Variants in MBNL2 observed in about 807,000 individuals in gnomAD.
MBNL2 encodes muscleblind like splicing regulator 2.
Under a neutral mutation model 41.9 loss-of-function variants are expected in MBNL2, and 17 were observed. That is an observed-to-expected ratio of 0.41 (90% CI 0.28 to 0.61). MBNL2 has a LOEUF of 0.61. Ranked by LOEUF, MBNL2 falls within the 20% of genes least tolerant of loss-of-function variation. The pLI, the probability that MBNL2 is intolerant of heterozygous loss-of-function variation, is 0.35. For synonymous variants in MBNL2, 195 were observed against 182.9 expected (o/e 1.07, Z -0.53); for missense variants, 336 against 505.6 (o/e 0.66, Z 3.22).
chr13:97,178,235 G>C, the MBNL2 span, among the ~76,000 whole-genome samples: 1 of 152,210 alleles, frequency 6.6e-6, no homozygotes, highest in Non-Finnish European at 1.5e-5. Flanking sequence ...CACTGAGAAT[G>C]GTTTAAATGG....
At chr13:97,200,950 T>C in the MBNL2 span, among the ~76,000 whole-genome samples, 2 of 152,350 alleles carry the variant, frequency 1.3e-5, no homozygotes, top group African/African-American at 4.8e-5. Flanking sequence ...TACTTTTGTT[T>C]ATGAAAGTTC....
chr13:97,206,342 T>C, the MBNL2 span, among the ~76,000 whole-genome samples: 3 of 152,144 alleles, frequency 2.0e-5, no homozygotes, highest in Non-Finnish European at 4.4e-5. Flanking sequence ...AAGCATGTGA[T>C]TCACTTTTCA....
At chr13:97,379,962 A>G (rs1330561681) in intron 8 of MBNL2, among the ~76,000 whole-genome samples, 1 of 152,236 alleles carries the variant, frequency 6.6e-6, no homozygotes, top group Non-Finnish European at 1.5e-5. Flanking sequence ...ATTTCTCCAA[A>G]GAAAGGATTA....
chr13:97,215,973 A>G, the MBNL2 span, among the ~76,000 whole-genome samples: 7 of 152,230 alleles, frequency 4.6e-5, no homozygotes, highest in East Asian at 1.3e-3. Flanking sequence ...ACCATGTTCT[A>G]TGCTAAGGGA....
intron 2 of MBNL2, among the ~76,000 whole-genome samples, chr13:97,288,484 CTT>C (rs969527955): frequency 6.6e-6 from 1 of 152,128 alleles, no homozygotes; most frequent in African/African-American, 2.4e-5. Flanking sequence ...CCTAGAATGG[CTT>C]TGTTTCAGTG....
At chr13:97,210,781 C>T in the MBNL2 span, among the ~76,000 whole-genome samples, 4 of 151,512 alleles carry the variant, frequency 2.6e-5, no homozygotes, top group African/African-American at 4.9e-5. Context: ...AACTTCTGGC[C>T]GCAAGTGATC....
the MBNL2 span, among the ~76,000 whole-genome samples, chr13:97,186,086 A>G: frequency 2.6e-5 from 4 of 152,180 alleles, no homozygotes; most frequent in African/African-American, 9.7e-5. Flanking sequence ...TGTCTCTTCA[A>G]TGTTTGGCCT....
intron 1 of MBNL2, among the ~76,000 whole-genome samples, chr13:97,247,025 G>C (rs989902929): frequency 6.6e-6 from 1 of 152,166 alleles, no homozygotes. Flanking sequence ...TTATTGTGCA[G>C]GCTGACAGTC....
At chr13:97,239,659 G>A (rs1041611802) in intron 1 of MBNL2, among the ~76,000 whole-genome samples, 7 of 152,228 alleles carry the variant, frequency 4.6e-5, no homozygotes, top group Non-Finnish European at 7.3e-5. Flanking sequence ...AAGTTTGGCT[G>A]ATGAAGGCTG....
At chr13:97,258,984 T>C (rs2048090057) in intron 1 of MBNL2, among the ~76,000 whole-genome samples, 1 of 152,194 alleles carries the variant, frequency 6.6e-6, no homozygotes, top group Non-Finnish European at 1.5e-5. Flanking sequence ...GAGTATGCAA[T>C]GCTGAAGGTT....
intron 1 of MBNL2, among the ~76,000 whole-genome samples, chr13:97,241,980 A>T (rs576835945): frequency 1.3e-4 from 20 of 152,320 alleles, no homozygotes; most frequent in African/African-American, 4.3e-4. Context: ...TTGTGTGCAC[A>T]CATGGGGTTC....
chr13:97,194,230 T>C, the MBNL2 span, among the ~76,000 whole-genome samples: 1 of 152,238 alleles, frequency 6.6e-6, no homozygotes, highest in Non-Finnish European at 1.5e-5. Context: ...GTCTGCCCCA[T>C]TGCATTCCTT....
chr13:97,300,788 C>T (rs2057542105), intron 2 of MBNL2, among the ~76,000 whole-genome samples: 1 of 152,188 alleles, frequency 6.6e-6, no homozygotes, highest in African/African-American at 2.4e-5. Context: ...GTAAAGAAGT[C>T]AACCAAATTA....
In MBNL2 at chr13:97,346,370, G is replaced by A. The variant is rs1290971485; in HGVS notation, c.541-434G>A. Among the ~76,000 whole-genome samples the A allele has an allele frequency of 6.6e-6, 1 of 151,820 alleles. No individual in the cohort carries two copies. Among genetic ancestry groups the A allele is most frequent in the Non-Finnish European group, 1.5e-5 (1 of 67,976 alleles). On this transcript the variant is annotated intron_variant, in intron 4 of 8. Coordinates refer to ENST00000679496, the MANE Select transcript of MBNL2 (RefSeq NM_001382683.1). This position sits in a 1 kb window ranked among gnomAD's most constrained non-coding sequence, Gnocchi z 4.2. ...ATAGATGATGGATGAATGAACAGGT[G>A]GATAGATGATTGGATAGATTGATTG...
chr13:97,309,555 A>G (rs937328013), intron 2 of MBNL2, among the ~76,000 whole-genome samples: 2 of 152,162 alleles, frequency 1.3e-5, no homozygotes, highest in Non-Finnish European at 2.9e-5. Flanking sequence ...CTCAGAAGGA[A>G]CCAACCCAGC....
At chr13:97,170,605 G>T in the MBNL2 span, among the ~76,000 whole-genome samples, 2 of 152,086 alleles carry the variant, frequency 1.3e-5, no homozygotes, top group Admixed American at 1.3e-4. Context: ...AGGAGCTGAA[G>T]CTGTTCTCTT....
chr13:97,379,377 C>T, intron 8 of MBNL2, among the ~76,000 whole-genome samples: 1 of 152,006 alleles, frequency 6.6e-6, no homozygotes, highest in Non-Finnish European at 1.5e-5. Context: ...TCCTCTCAAT[C>T]GAGACTCACT....
At chr13:97,177,303 C>T in the MBNL2 span, among the ~76,000 whole-genome samples, 3 of 152,282 alleles carry the variant, frequency 2.0e-5, no homozygotes, top group East Asian at 5.8e-4. Flanking sequence ...CACGCCACTG[C>T]ACTCCAGCCT....
At chr13:97,231,974 G>T (rs1347151125) in intron 1 of MBNL2, among the ~76,000 whole-genome samples, 1 of 152,190 alleles carries the variant, frequency 6.6e-6, no homozygotes, top group African/African-American at 2.4e-5. Context: ...CTAAGATGTA[G>T]ATAGCGCCAT....
Sources: gnomAD v4.1 joint callset for allele counts (sites outside exome capture counted in the v4.1 genomes callset) on GRCh38, gnomAD v4.1.1 for gene constraint, Gnocchi (gnomAD v3.1) non-coding constraint, MANE v1.5 for transcripts, NCBI Gene and HGNC (gene_info 2026-07-23, HGNC 2026-07-21) for gene names.